Variants in PSTPIP2 observed in about 807,000 individuals in gnomAD.
PSTPIP2 encodes the protein proline-serine-threonine phosphatase interacting protein 2.
Under a neutral mutation model 63.3 loss-of-function variants are expected in PSTPIP2, and 33 were observed. The observed-to-expected ratio is 0.52, with a 90% CI of 0.40 to 0.70. The LOEUF is 0.70. Among genes scored for constraint, PSTPIP2 ranks in the 30% least tolerant of loss-of-function variants. PSTPIP2 has a pLI of 0.00. For synonymous variants in PSTPIP2, 125 were observed against 132.7 expected (o/e 0.94, Z 0.40); for missense variants, 312 against 400.7 (o/e 0.78, Z 1.89).
intron 6 of PSTPIP2, among the ~76,000 whole-genome samples, chr18:46,000,149 TAAC>T (rs756090626): frequency 4.6e-5 from 7 of 151,794 alleles, no homozygotes; most frequent in South Asian, 2.1e-4. Context: ...AAAATAACAA[TAAC>T]AACAACAACA....
chr18:46,071,221 G>A (rs1381943602), intron 1 of PSTPIP2, among the ~76,000 whole-genome samples: 1 of 152,164 alleles, frequency 6.6e-6, no homozygotes. Context: ...GAAGCTACCT[G>A]GGTGGGTGGT....
At chr18:46,002,119 T>C (rs1028431451) in intron 6 of PSTPIP2, among the ~76,000 whole-genome samples, 7 of 152,214 alleles carry the variant, frequency 4.6e-5, no homozygotes, top group Non-Finnish European at 1.0e-4. Flanking sequence ...TTTTCCCTTT[T>C]AGGTTTTCCC....
At chr18:46,005,939 A>G (rs1206414629) in intron 5 of PSTPIP2, among the ~76,000 whole-genome samples, 1 of 152,218 alleles carries the variant, frequency 6.6e-6, no homozygotes, top group Non-Finnish European at 1.5e-5. Flanking sequence ...ACTTGTAAAC[A>G]TTCATTTCTG....
At position 45,984,819 on chromosome 18, in the gene PSTPIP2, G is replaced by A. The variant is rs2051451629; in HGVS notation, c.*640C>T. On this transcript the variant is annotated 3_prime_UTR_variant, in exon 15 of 15. Transcript: ENST00000409746. ...AAAATATTTGGCATCTTAAATTTCA[G>A]CATGAGCATCACAACTTCAGGAAGG... The A allele has an allele frequency of 6.6e-6, 1 of 152,204 alleles. No homozygotes were observed. Among genetic ancestry groups the A allele is most frequent in the South Asian group, 2.1e-4 (1 of 4,838 alleles). 9.4% of individuals were successfully genotyped at this position (152,204 alleles called of 1,614,324 possible).
chr18:46,035,632 T>C (rs569751666), intron 2 of PSTPIP2, among the ~76,000 whole-genome samples: 2 of 152,152 alleles, frequency 1.3e-5, no homozygotes, highest in Non-Finnish European at 2.9e-5. Context: ...ATGGGTATAA[T>C]GAGTGAGATT....
chr18:46,060,758 T>C (rs1908959228), intron 1 of PSTPIP2, among the ~76,000 whole-genome samples: 1 of 152,204 alleles, frequency 6.6e-6, no homozygotes, highest in South Asian at 2.1e-4. Context: ...AGAGGACTGG[T>C]TTCTTTGCCC....
chr18:46,004,266 T>C (rs1314349127), intron 6 of PSTPIP2, among the ~76,000 whole-genome samples: 1 of 152,218 alleles, frequency 6.6e-6, no homozygotes, highest in Non-Finnish European at 1.5e-5. Context: ...ACAGATTGCA[T>C]ATGCTATCAA....
chr18:45,999,618 G>T (rs2051641724), intron 6 of PSTPIP2, 84 bp from the exon 7 acceptor site: 2 of 1,383,852 alleles, frequency 1.4e-6, no homozygotes, highest in Non-Finnish European at 1.0e-6. Flanking sequence ...AGGAAGTCCA[G>T]CATGGACAGG....
intron 2 of PSTPIP2, among the ~76,000 whole-genome samples, chr18:46,025,707 A>T (rs2144097350): frequency 6.6e-6 from 1 of 152,068 alleles, no homozygotes; most frequent in East Asian, 1.9e-4. Flanking sequence ...AGAAAGAAAG[A>T]AAAGAAAAAA....
rs747058054 is a variant in PSTPIP2 at position 45,999,581 on chromosome 18, A to T, written c.418-47T>A. On this transcript the variant is annotated intron_variant, in intron 6 of 14. Coordinates refer to ENST00000409746, the MANE Select transcript of PSTPIP2 (RefSeq NM_024430.4). ...GAACCAAAACAAATGAACAGAGTGTAACCATGAAATGCAGCCCCCTTGGCC... is the reference window on the plus strand; with the variant it reads ...GAACCAAAACAAATGAACAGAGTGTTACCATGAAATGCAGCCCCCTTGGCC... 6 of 1,603,658 alleles carry T rather than the reference A, an allele frequency of 3.7e-6. No individual in the cohort carries two copies. In the South Asian group the frequency reaches 6.6e-5, roughly 18 times the overall value.
At chr18:46,065,295 A>AT (rs34055401) in intron 1 of PSTPIP2, among the ~76,000 whole-genome samples, 15,546 of 140,656 alleles carry the variant, frequency 0.11, 1,166 homozygotes, top group East Asian at 0.41. Context: ...ATAAGTTATA[A>AT]TTTTTTTTTT....
intron 2 of PSTPIP2, among the ~76,000 whole-genome samples, chr18:46,034,459 C>T (rs1256429757): frequency 6.6e-6 from 1 of 152,162 alleles, no homozygotes; most frequent in Admixed American, 6.5e-5. Context: ...ACTACTTACT[C>T]ATATTGTAAT....
intron 6 of PSTPIP2, among the ~76,000 whole-genome samples, chr18:46,001,497 T>C (rs2051666312): frequency 6.6e-6 from 1 of 152,232 alleles, no homozygotes; most frequent in African/African-American, 2.4e-5. Context: ...ATTTTGGATA[T>C]TAGTCTCTTG....
intron 1 of PSTPIP2, among the ~76,000 whole-genome samples, chr18:46,065,362 G>A (rs1390403491): frequency 6.6e-6 from 1 of 151,440 alleles, no homozygotes; most frequent in Admixed American, 6.6e-5. Flanking sequence ...CATGCTCTCA[G>A]CTCACTGCAA....
In PSTPIP2 at chr18:46,026,039, G is replaced by A. The variant is rs1000417899; in HGVS notation, c.135-1353C>T. Among the ~76,000 whole-genome samples, 14 of 152,246 alleles carry A rather than the reference G, an allele frequency of 9.2e-5. No individual in the cohort carries two copies. In the South Asian group the frequency reaches 1.2e-3, roughly 14 times the overall value. On this transcript the variant is annotated intron_variant, in intron 2 of 14. Coordinates refer to ENST00000409746, the MANE Select transcript of PSTPIP2 (RefSeq NM_024430.4). ...CAAAGTGCTGGGATTAAAGGCATGA[G>A]CCACCACACCCAGCTTGAGAGTGTT...
chr18:46,035,561 G>T (rs1258956870), intron 2 of PSTPIP2, among the ~76,000 whole-genome samples: 2 of 152,106 alleles, frequency 1.3e-5, no homozygotes. Context: ...AAGTAAAGAC[G>T]TACAGGCAGA....
rs201358462 is a variant in PSTPIP2 at position 46,049,472 on chromosome 18, TA to T, written c.34-9426del. Among the ~76,000 whole-genome samples, 521 of 148,238 alleles carry T rather than the reference TA, an allele frequency of 3.5e-3. 4 individuals carry two copies. The highest frequency in any genetic ancestry group is 0.012 in the African/African-American group (491 of 40,458). ...TATCCCTGAACTTAAAATAAAAGTT[TA>T]AAAAAAAAAGATATTCAAACAATGT... On this transcript the variant is annotated intron_variant, in intron 1 of 14. Transcript: ENST00000409746.
At chr18:46,058,171 C>T (rs1286451203) in intron 1 of PSTPIP2, among the ~76,000 whole-genome samples, 2 of 151,994 alleles carry the variant, frequency 1.3e-5, no homozygotes, top group Non-Finnish European at 2.9e-5. Context: ...TAGACAATTA[C>T]ACTTGCCTAC....
intron 1 of PSTPIP2, among the ~76,000 whole-genome samples, chr18:46,065,668 T>A (rs985531007): frequency 6.6e-6 from 1 of 152,174 alleles, no homozygotes; most frequent in Non-Finnish European, 1.5e-5. Flanking sequence ...GGTTTCACCA[T>A]ATCGGCCAGG....
Sources: gnomAD v4.1 joint callset for allele counts (sites outside exome capture counted in the v4.1 genomes callset) on GRCh38, gnomAD v4.1.1 for gene constraint, MANE v1.5 for transcripts, NCBI Gene and HGNC (gene_info 2026-07-23, HGNC 2026-07-21) for gene names.